Variants in ARHGEF6 observed in about 807,000 individuals in gnomAD.
ARHGEF6 encodes rho guanine nucleotide exchange factor 6.
A neutral mutation model predicts 70.3 loss-of-function variants in ARHGEF6; 9 were observed. The observed-to-expected ratio is 0.13, with a 90% CI of 0.08 to 0.22. The LOEUF (loss-of-function observed/expected upper bound fraction) is 0.22. Among genes scored for constraint, ARHGEF6 ranks in the 10% least tolerant of loss-of-function variants. The pLI is 1.00. For missense variants in ARHGEF6, 470 were observed against 563.0 expected, an observed-to-expected ratio of 0.83 and a Z score of 1.67; for synonymous variants, 201 against 207.8, an observed-to-expected ratio of 0.97 and a Z score of 0.28.
At chrX:136,692,522 C>G (rs1480335198) in intron 9 of ARHGEF6, among the ~76,000 whole-genome samples, 3 of 112,235 alleles carry the variant, frequency 2.7e-5, no homozygotes, top group Non-Finnish European at 5.6e-5. Context: ...TCAACTGACT[C>G]ATGCTTATAA....
intron 2 of ARHGEF6, among the ~76,000 whole-genome samples, chrX:136,764,650 G>C (rs750506301): frequency 9.0e-6 from 1 of 111,285 alleles, no homozygotes; most frequent in African/African-American, 3.3e-5. Flanking sequence ...ATAGTGACTG[G>C]GAAGGGGCAC....
chrX:136,735,936 C>T (rs2076981021), intron 5 of ARHGEF6, among the ~76,000 whole-genome samples: 1 of 111,813 alleles, frequency 8.9e-6, no homozygotes, highest in Non-Finnish European at 1.9e-5. Flanking sequence ...TTTAATTAAC[C>T]ATGTACCTAA....
chrX:136,710,330 C>CATATATATAT (rs59532724), intron 7 of ARHGEF6, among the ~76,000 whole-genome samples: 1,671 of 87,490 alleles, frequency 0.019, 42 homozygotes, highest in East Asian at 0.095. Context: ...ATATATTATA[C>CATATATATAT]ATATATATAT....
intron 14 of ARHGEF6, 117 bp downstream of exon 14, chrX:136,681,773 C>T (rs1462799844): frequency 1.7e-4 from 100 of 599,266 alleles, no homozygotes; most frequent in Non-Finnish European, 2.6e-4. Flanking sequence ...TTTGCCATGC[C>T]CGCATAAAAT....
At chrX:136,734,694 A>G (rs1045647355) in intron 5 of ARHGEF6, among the ~76,000 whole-genome samples, 1 of 112,104 alleles carries the variant, frequency 8.9e-6, no homozygotes, top group Non-Finnish European at 1.9e-5. Context: ...AGGCAGTGCA[A>G]AAAAGAAAAC....
At chrX:136,670,323 C>T (rs978152636) in intron 20 of ARHGEF6, among the ~76,000 whole-genome samples, 5 of 111,861 alleles carry the variant, frequency 4.5e-5, no homozygotes, top group African/African-American at 1.6e-4. Flanking sequence ...TGTCAATTAT[C>T]CCTCAACAAA....
chrX:136,751,686 T>C (rs1004323839), intron 2 of ARHGEF6, among the ~76,000 whole-genome samples: 1 of 111,024 alleles, frequency 9.0e-6, no homozygotes, highest in Non-Finnish European at 1.9e-5. Flanking sequence ...CCTTCCACCA[T>C]GTAAGGACAT....
At chrX:136,716,082 A>G (rs1000538900) in intron 6 of ARHGEF6, among the ~76,000 whole-genome samples, 1 of 112,421 alleles carries the variant, frequency 8.9e-6, no homozygotes, top group Non-Finnish European at 1.9e-5. Flanking sequence ...CTGGGATTAC[A>G]GGCATGCGCC....
At chrX:136,758,918 A>G (rs2077238063) in intron 2 of ARHGEF6, among the ~76,000 whole-genome samples, 3 of 111,958 alleles carry the variant, frequency 2.7e-5, no homozygotes, top group Non-Finnish European at 5.6e-5. Context: ...TTGTTTTAAG[A>G]TGAGAAATAA....
intron 2 of ARHGEF6, among the ~76,000 whole-genome samples, chrX:136,755,731 T>C (rs186757849): frequency 2.7e-5 from 3 of 112,436 alleles, no homozygotes; most frequent in Non-Finnish European, 3.8e-5. Flanking sequence ...TGTAGAGATG[T>C]TGTAAATTTA....
At chrX:136,705,937 A>G (rs1314958301) in intron 9 of ARHGEF6, among the ~76,000 whole-genome samples, 1 of 112,320 alleles carries the variant, frequency 8.9e-6, no homozygotes, top group East Asian at 2.8e-4. Context: ...GGGAGCTCAA[A>G]TCTAGGTCAG....
rs528864055 is a variant in ARHGEF6, at chrX:136,780,405, C to T, written c.165+313G>A. ...GTACCCCAAGTTCAAAACATGTCCTCGGTACACAAGGAGATGTAACATGCA... is the reference window on the plus strand; with the variant it reads ...GTACCCCAAGTTCAAAACATGTCCTTGGTACACAAGGAGATGTAACATGCA... On this transcript the variant is annotated intron_variant, in intron 1 of 21. Transcript: ENST00000250617. Among the ~76,000 whole-genome samples, 92 of 111,163 alleles carry T rather than the reference C, an allele frequency of 8.3e-4. 1 individual carries two copies. In the South Asian group the frequency reaches 0.035, roughly 42 times the overall value.
At chrX:136,727,473 CTT>C (rs1161540531) in intron 6 of ARHGEF6, among the ~76,000 whole-genome samples, 3 of 101,001 alleles carry the variant, frequency 3.0e-5, no homozygotes, top group African/African-American at 1.1e-4. Context: ...TTCTTTCTCT[CTT>C]TCTTTCCTTC....
intron 9 of ARHGEF6, among the ~76,000 whole-genome samples, chrX:136,705,489 T>C (rs2076617629): frequency 8.9e-6 from 1 of 112,077 alleles, no homozygotes; most frequent in Admixed American, 9.4e-5. Context: ...ACCTGGATTC[T>C]GGCTCAACCA....
rs748608017 is a variant in ARHGEF6, at chrX:136,743,736, G to T, written c.510C>A (p.Asn170Lys). 8.3e-6 allele frequency: 10 copies of T among 1,211,737 alleles called. No individual in the cohort carries two copies. In the South Asian group the frequency reaches 1.4e-4, roughly 17 times the overall value. Residue 170 changes from asparagine to lysine, a missense_variant, in exon 5 of 22, where the codon AAC becomes AAA. Physicochemically the swap from Asn to Lys is moderately conservative, Grantham distance 94. This residue lies in a region of ARHGEF6 where 379 missense variants were observed against 449.3 expected (regional missense o/e 0.84). Coordinates refer to ENST00000250617, the MANE Select transcript of ARHGEF6 (RefSeq NM_004840.3). ...SHQLIVKARF[N>K]FKQTNEDELS... is the part of the protein sequence containing the mutation. The stretch of plus-strand genomic sequence containing the variant: ...GTTCATCCTCATTAGTCTGCTTAAA[G>T]TTGAATCTTGCTTTTACTATCAACT...
Position 136,675,072 on chromosome X carries a change from G to C in ARHGEF6, c.1970C>G (p.Ala657Gly). Reference sequence around the variant, plus strand: ...GGCTTCGATCACTTTAAGGATTTGAGCATCCTCTTCCAGAGCAGCTGTACC... The same window carrying C: ...GGCTTCGATCACTTTAAGGATTTGACCATCCTCTTCCAGAGCAGCTGTACC... ...RKSTAALEED[A>G]QILKVIEAYC... Residue 657 changes from alanine (A) to glycine (G), a missense_variant, in exon 19 of 22, where the codon GCT becomes GGT. Physicochemically the swap from Ala to Gly is moderately conservative, Grantham distance 60. This residue lies in a region of ARHGEF6 where 88 missense variants were observed against 95.5 expected (regional missense o/e 0.92). Transcript: ENST00000250617. The C allele has an allele frequency of 1.7e-6, 2 of 1,211,067 alleles. No homozygotes were observed. Among genetic ancestry groups the C allele is most frequent in the Non-Finnish European group, 1.1e-6 (1 of 894,835 alleles).
chrX:136,744,437 T>A (rs2077075475), intron 4 of ARHGEF6, among the ~76,000 whole-genome samples: 1 of 111,842 alleles, frequency 8.9e-6, no homozygotes, highest in South Asian at 3.7e-4. Context: ...CACAGACCCT[T>A]TAGAGAATCT....
intron 2 of ARHGEF6, among the ~76,000 whole-genome samples, chrX:136,748,029 T>C (rs764903067): frequency 1.8e-5 from 2 of 112,158 alleles, no homozygotes; most frequent in East Asian, 5.6e-4. Context: ...GTTGCATCTG[T>C]ACAGTTTATT....
intron 6 of ARHGEF6, 64 bp downstream of exon 6, chrX:136,732,038 T>C (rs770954030): frequency 3.7e-5 from 34 of 907,205 alleles, no homozygotes; most frequent in Non-Finnish European, 5.2e-5. Context: ...ACATCAATGG[T>C]TTGACAAGTG....
Sources: gnomAD v4.1 joint callset for allele counts (sites outside exome capture counted in the v4.1 genomes callset) on GRCh38, gnomAD v4.1.1 for gene constraint, gnomAD v4.1.1 regional missense constraint, MANE v1.5 for transcripts, NCBI Gene and HGNC (gene_info 2026-07-23, HGNC 2026-07-21) for gene names.